The following BRAF variants were observed in gnomAD, a reference collection of about 807,000 sequenced individuals.
BRAF encodes the protein B-Raf proto-oncogene, serine/threonine kinase.
Under a neutral mutation model 104.6 loss-of-function variants are expected in BRAF, and 16 were observed. The observed-to-expected ratio is 0.15, with a 90% CI of 0.10 to 0.23. The LOEUF (loss-of-function observed/expected upper bound fraction) is 0.23. Ranked by LOEUF, BRAF falls within the 10% of genes least tolerant of loss-of-function variation. The pLI, the probability that BRAF is intolerant of heterozygous loss-of-function variation, is 1.00. For missense variants in BRAF, 541 were observed against 937.3 expected (o/e 0.58, Z 5.52); for synonymous variants, 310 against 341.6 (o/e 0.91, Z 1.02).
At chr7:140,814,901 T>C (rs1804701028) in intron 3 of BRAF, among the ~76,000 whole-genome samples, 1 of 149,876 alleles carries the variant, frequency 6.7e-6, no homozygotes, top group Admixed American at 6.7e-5. Flanking sequence ...TAGGTGGTCA[T>C]CAAAATTGTT....
At chr7:140,901,374 A>G (rs1815609743) in intron 1 of BRAF, among the ~76,000 whole-genome samples, 6 of 152,230 alleles carry the variant, frequency 3.9e-5, no homozygotes, top group South Asian at 4.1e-4. Context: ...GGTAATAACC[A>G]GGATGAGCAG....
intron 1 of BRAF, among the ~76,000 whole-genome samples, chr7:140,869,718 T>G (rs1341164130): frequency 6.6e-6 from 1 of 152,210 alleles, no homozygotes; most frequent in Non-Finnish European, 1.5e-5. Flanking sequence ...CATGTACAAC[T>G]TAATCAAGGC....
chr7:140,722,219 T>C lies in BRAF; in HGVS notation c.*4275A>G, dbSNP rs183614830. On this transcript the variant is annotated 3_prime_UTR_variant, in exon 20 of 20. Coordinates refer to ENST00000644969, the MANE Select transcript of BRAF (RefSeq NM_001374258.1). ...TGACTATACTAGGGATTATGTGCTTTAAAAAAATAATTTTGTTCACTGAAA... is the reference window on the plus strand; with the variant it reads ...TGACTATACTAGGGATTATGTGCTTCAAAAAAATAATTTTGTTCACTGAAA... 4.1e-4 allele frequency: 433 copies of C among 1,056,436 alleles called. No individual in the cohort carries two copies. The highest frequency in any genetic ancestry group is 4.7e-4 in the Non-Finnish European group (414 of 873,556). The allele number at this position is 1,056,436 out of a possible 1,614,324, so 65.4% of individuals were successfully genotyped here.
In BRAF at chr7:140,734,303, C is replaced by T. The variant is rs531464725; in HGVS notation, c.2401+314G>A. The T allele has an allele frequency of 2.6e-4, 323 of 1,243,546 alleles. 1 individual carries two copies. In the African/African-American group the frequency reaches 4.2e-3, roughly 16 times the overall value. 77.0% of individuals were successfully genotyped at this position (1,243,546 alleles called of 1,614,324 possible). ...TTGCATGAGAAACTGAAGTTTACTA[C>T]TTAAAATAACCAAGTGAATGATACA... is the stretch of plus-strand genomic sequence containing the variant. On this transcript the variant is annotated intron_variant, in intron 19 of 19. Transcript: ENST00000644969.
intron 5 of BRAF, among the ~76,000 whole-genome samples, chr7:140,802,968 C>T (rs1001918076): frequency 6.6e-6 from 1 of 152,184 alleles, no homozygotes; most frequent in Admixed American, 6.5e-5. Context: ...AGGTATCCTA[C>T]ACAGGTAGAC....
intron 2 of BRAF, among the ~76,000 whole-genome samples, chr7:140,842,389 A>G (rs1285198772): frequency 2.6e-5 from 4 of 152,226 alleles, no homozygotes; most frequent in Non-Finnish European, 5.9e-5. Flanking sequence ...TACCTGATAC[A>G]TAGTAAATAC....
intron 2 of BRAF, among the ~76,000 whole-genome samples, chr7:140,840,124 A>C: frequency 6.6e-6 from 1 of 152,224 alleles, no homozygotes; most frequent in East Asian, 1.9e-4. Flanking sequence ...CCTTTAAGCT[A>C]ACTTTGGAAT....
intron 8 of BRAF, among the ~76,000 whole-genome samples, chr7:140,791,694 C>A (rs1189357217): frequency 2.0e-5 from 3 of 152,122 alleles, no homozygotes; most frequent in Admixed American, 6.5e-5. Flanking sequence ...CAATATATGC[C>A]CCCAAAAAGC....
chr7:140,914,787 C>T (rs1316876190), intron 1 of BRAF, among the ~76,000 whole-genome samples: 1 of 151,892 alleles, frequency 6.6e-6, no homozygotes, highest in African/African-American at 2.4e-5. Context: ...TGCCTGTAAT[C>T]CCAGCACTTT....
Position 140,721,825 on chromosome 7 carries a change from G to A in BRAF, c.*4669C>T. The A allele has an allele frequency of 7.2e-7, 1 of 1,380,080 alleles. No individual in the cohort carries two copies. The highest frequency in any genetic ancestry group is 1.7e-5 in the South Asian group (1 of 57,310). 85.5% of individuals were successfully genotyped at this position (1,380,080 alleles called of 1,614,324 possible). A position where few individuals can be genotyped will look rare whatever the true frequency, so the allele number is the denominator to read the frequency against. On this transcript the variant is annotated 3_prime_UTR_variant, in exon 20 of 20. Transcript: ENST00000644969. ...ATGGCCAGGTCATAAAGGATGCCTT[G>A]AGACCTCCACCCTGGCCCCCACAGC...
At chr7:140,755,954 C>A (rs773504601) in intron 14 of BRAF, among the ~76,000 whole-genome samples, 1 of 151,780 alleles carries the variant, frequency 6.6e-6, no homozygotes, top group Non-Finnish European at 1.5e-5. Context: ...TCAACCATAT[C>A]AAAATACAGA....
At chr7:140,856,430 G>T (rs1290142003) in intron 1 of BRAF, among the ~76,000 whole-genome samples, 1 of 152,068 alleles carries the variant, frequency 6.6e-6, no homozygotes, top group East Asian at 1.9e-4. Context: ...GTTTGACAAA[G>T]AAATCAAAGC....
At chr7:140,793,707 C>T (rs1436495902) in intron 8 of BRAF, among the ~76,000 whole-genome samples, 1 of 152,086 alleles carries the variant, frequency 6.6e-6, no homozygotes, top group African/African-American at 2.4e-5. Context: ...CTCACTGCAG[C>T]CTTGACCTCC....
chr7:140,896,112 T>C (rs1421579094), intron 1 of BRAF, among the ~76,000 whole-genome samples: 1 of 152,258 alleles, frequency 6.6e-6, no homozygotes, highest in East Asian at 1.9e-4. Flanking sequence ...AATACCTCAC[T>C]GTGGTTTTGA....
intron 3 of BRAF, among the ~76,000 whole-genome samples, chr7:140,816,216 G>C (rs955307869): frequency 4.6e-5 from 7 of 152,172 alleles, no homozygotes; most frequent in African/African-American, 1.7e-4. Flanking sequence ...GTAAGTGAAA[G>C]TGTTTTTACA....
chr7:140,757,704 T>C (rs1461689759), intron 14 of BRAF, among the ~76,000 whole-genome samples: 1 of 152,232 alleles, frequency 6.6e-6, no homozygotes, highest in Admixed American at 6.5e-5. Flanking sequence ...ACATAGGTTA[T>C]TTTTATTTTC....
intron 1 of BRAF, among the ~76,000 whole-genome samples, chr7:140,872,165 A>AGATCGCACCATTGCACTCCAGCCT (rs1811670325): frequency 1.3e-5 from 2 of 152,080 alleles, no homozygotes; most frequent in Admixed American, 6.5e-5. Context: ...CAGTGAGCCG[A>AGATCGCACCATTGCACTCCAGCCT]GATCGCACCA....
intron 1 of BRAF, among the ~76,000 whole-genome samples, chr7:140,884,615 G>A (rs1450400508): frequency 6.6e-6 from 1 of 151,866 alleles, no homozygotes; most frequent in Non-Finnish European, 1.5e-5. Flanking sequence ...AAGTAACTAG[G>A]ACTACAGGCA....
rs1171888172 is a variant in BRAF at position 140,720,266 on chromosome 7, C to T, written c.*6228G>A. ...TGTGATACAGTCCTCAAAAATCAGG[C>T]GATATCATGAAGGCCAAACTGAGTC... On this transcript the variant is annotated 3_prime_UTR_variant, in exon 20 of 20. Coordinates refer to ENST00000644969, the MANE Select transcript of BRAF (RefSeq NM_001374258.1). The T allele has an allele frequency of 4.7e-6, 5 of 1,062,252 alleles. No individual in the cohort carries two copies. The highest frequency in any genetic ancestry group is 4.6e-5 in the South Asian group (1 of 21,940). 65.8% of individuals were successfully genotyped at this position (1,062,252 alleles called of 1,614,324 possible).
Sources: allele counts gnomAD v4.1 joint callset (sites outside exome capture counted in the v4.1 genomes callset), GRCh38; gene constraint gnomAD v4.1.1; transcripts MANE v1.5; gene names NCBI Gene and HGNC (gene_info 2026-07-23, HGNC 2026-07-21).